Variants in DNM3 observed in about 807,000 individuals in gnomAD.
DNM3 encodes the protein dynamin 3.
DNM3 carries 47 observed loss-of-function variants against 101.6 expected under a neutral mutation model. That is an observed-to-expected ratio of 0.46 (90% CI 0.37 to 0.59). The LOEUF is 0.59. Among genes scored for constraint, DNM3 ranks in the 20% least tolerant of loss-of-function variants. The pLI, the probability that DNM3 is intolerant of heterozygous loss-of-function variation, is 0.00. For missense variants in DNM3, 849 were observed against 1,085.7 expected (o/e 0.78, Z 3.06); for synonymous variants, 385 against 387.9 (o/e 0.99, Z 0.09).
At chr1:172,268,094 T>A (rs1022378932) in intron 15 of DNM3, among the ~76,000 whole-genome samples, 3 of 152,172 alleles carry the variant, frequency 2.0e-5, no homozygotes, top group Non-Finnish European at 4.4e-5. Flanking sequence ...TTTCACTTCT[T>A]TTTTCTGCTA....
At chr1:172,155,438 T>G (rs2058300298) in intron 14 of DNM3, among the ~76,000 whole-genome samples, 1 of 152,094 alleles carries the variant, frequency 6.6e-6, no homozygotes, top group African/African-American at 2.4e-5. Flanking sequence ...TAATTAAGGT[T>G]TATTTTATAT....
chr1:172,257,872 C>T (rs984005311), intron 15 of DNM3, among the ~76,000 whole-genome samples: 3 of 143,196 alleles, frequency 2.1e-5, no homozygotes, highest in Non-Finnish European at 4.5e-5. Flanking sequence ...TCCCCAACCC[C>T]CACCAACACA....
chr1:172,168,426 T>A (rs904697733), intron 14 of DNM3, among the ~76,000 whole-genome samples: 1 of 151,952 alleles, frequency 6.6e-6, no homozygotes, highest in South Asian at 2.1e-4. Flanking sequence ...ATGCTTTAAA[T>A]AGGGCTGAGT....
chr1:171,872,078 A>G (rs2035349322), intron 1 of DNM3, among the ~76,000 whole-genome samples: 1 of 152,124 alleles, frequency 6.6e-6, no homozygotes, highest in South Asian at 2.1e-4. Flanking sequence ...TAAGGTGTGT[A>G]GGGAGAATTT....
intron 14 of DNM3, among the ~76,000 whole-genome samples, chr1:172,175,983 T>G (rs1456547271): frequency 6.6e-6 from 1 of 151,770 alleles, no homozygotes; most frequent in African/African-American, 2.4e-5. Context: ...GTAACTGTGG[T>G]AGGCTAAGTA....
At chr1:171,951,071 T>C (rs1486221038) in intron 2 of DNM3, among the ~76,000 whole-genome samples, 3 of 152,172 alleles carry the variant, frequency 2.0e-5, no homozygotes, top group Admixed American at 1.3e-4. Flanking sequence ...AAAGACAACA[T>C]GACTAATTAC....
intron 14 of DNM3, among the ~76,000 whole-genome samples, chr1:172,199,593 GTGTTGGGTGCATATA>G (rs1316816868): frequency 2.0e-5 from 3 of 152,122 alleles, no homozygotes; most frequent in Non-Finnish European, 4.4e-5. Context: ...GGGTGCTCCT[GTGTTGGGTGCATATA>G]TGTTTAGGAT....
chr1:172,275,472 A>G (rs1285101514), intron 15 of DNM3, among the ~76,000 whole-genome samples: 1 of 152,044 alleles, frequency 6.6e-6, no homozygotes, highest in Non-Finnish European at 1.5e-5. Context: ...TACCTGAATC[A>G]TAAATGAAGA....
chr1:172,177,887 T>C (rs979021), intron 14 of DNM3, among the ~76,000 whole-genome samples: 38,812 of 151,714 alleles, frequency 0.26, 5,464 homozygotes, highest in Middle Eastern at 0.34. Context: ...TATAGGGTTT[T>C]TTTCCCTTAA....
chr1:171,907,956 A>T (rs992218749), intron 1 of DNM3, among the ~76,000 whole-genome samples: 1 of 152,244 alleles, frequency 6.6e-6, no homozygotes, highest in Non-Finnish European at 1.5e-5. Flanking sequence ...GTAAAGATAC[A>T]CATAATGTTT....
At chr1:172,304,218 A>AAAAAAAAAAAAAAC (rs1182798546) in intron 15 of DNM3, among the ~76,000 whole-genome samples, 4 of 135,040 alleles carry the variant, frequency 3.0e-5, no homozygotes, top group African/African-American at 1.3e-4. Context: ...AAAAAAAAAA[A>AAAAAAAAAAAAAAC]AAAACAGGAG....
intron 11 of DNM3, among the ~76,000 whole-genome samples, chr1:172,081,469 A>T (rs902907643): frequency 6.6e-6 from 1 of 152,198 alleles, no homozygotes; most frequent in Admixed American, 6.5e-5. Context: ...GCAACCCCTC[A>T]TGGGACCTCC....
intron 14 of DNM3, among the ~76,000 whole-genome samples, chr1:172,170,810 G>A (rs1392448709): frequency 1.3e-5 from 2 of 151,624 alleles, no homozygotes; most frequent in Non-Finnish European, 2.9e-5. Flanking sequence ...AAGACTGACT[G>A]GTGCATTGCA....
chr1:171,968,940 C>T (rs2043795256), intron 2 of DNM3, among the ~76,000 whole-genome samples: 3 of 152,238 alleles, frequency 2.0e-5, no homozygotes, highest in South Asian at 4.1e-4. Context: ...AGCTGAAACT[C>T]GTAGAGATGT....
At chr1:172,154,849 T>A (rs1397004448) in intron 14 of DNM3, among the ~76,000 whole-genome samples, 5 of 152,072 alleles carry the variant, frequency 3.3e-5, no homozygotes, top group Non-Finnish European at 1.5e-5. Context: ...GCAGACATTA[T>A]TCTGAGAATG....
chr1:172,320,391 A>T (rs1184174323), intron 16 of DNM3, among the ~76,000 whole-genome samples: 2 of 103,768 alleles, frequency 1.9e-5, no homozygotes, highest in African/African-American at 5.7e-5. Context: ...ATAATAATAA[A>T]AAAAAGAAAA....
At chr1:171,959,502 T>G (rs2043072692) in intron 2 of DNM3, among the ~76,000 whole-genome samples, 2 of 152,124 alleles carry the variant, frequency 1.3e-5, no homozygotes, top group African/African-American at 2.4e-5. Context: ...AGCCTGCAGC[T>G]TGTGGGGGAA....
intron 15 of DNM3, among the ~76,000 whole-genome samples, chr1:172,299,026 G>A (rs2064307582): frequency 6.6e-6 from 1 of 152,216 alleles, no homozygotes; most frequent in African/African-American, 2.4e-5. Flanking sequence ...TGGCCTGGTA[G>A]GACTGTCAGG....
At chr1:172,283,184 T>G (rs1003440207) in intron 15 of DNM3, among the ~76,000 whole-genome samples, 2 of 152,200 alleles carry the variant, frequency 1.3e-5, no homozygotes, top group Non-Finnish European at 2.9e-5. Flanking sequence ...TCCATATTGC[T>G]TCAGACAGTA....
Sources: allele counts gnomAD v4.1 joint callset (sites outside exome capture counted in the v4.1 genomes callset), GRCh38; gene constraint gnomAD v4.1.1; transcripts MANE v1.5; gene names NCBI Gene and HGNC (gene_info 2026-07-23, HGNC 2026-07-21).